The following DMXL2 variants were observed in gnomAD, a reference collection of about 807,000 sequenced individuals.
DMXL2 encodes dmX-like protein 2.
Under a neutral mutation model 331.1 loss-of-function variants are expected in DMXL2, and 103 were observed. The ratio of observed to expected loss-of-function variants is 0.31; its 90% CI spans 0.27 to 0.37. DMXL2 has a LOEUF of 0.37. Among genes scored for constraint, DMXL2 ranks in the 10% least tolerant of loss-of-function variants. DMXL2 has a pLI of 1.00. For synonymous variants in DMXL2, 1,281 were observed against 1,252.1 expected, an observed-to-expected ratio of 1.02 and a Z score of -0.49; for missense variants, 3,171 against 3,642.9, an observed-to-expected ratio of 0.87 and a Z score of 3.33.
chr15:51,495,725 G>A (rs935871905), intron 18 of DMXL2, among the ~76,000 whole-genome samples: 5 of 151,754 alleles, frequency 3.3e-5, no homozygotes, highest in African/African-American at 4.8e-5. Context: ...TATGGCAAGC[G>A]TAACCAAAAC....
chr15:51,522,797 C>T (rs1239381552), intron 13 of DMXL2, among the ~76,000 whole-genome samples: 2 of 152,216 alleles, frequency 1.3e-5, no homozygotes, highest in Non-Finnish European at 2.9e-5. Context: ...AACTATCACA[C>T]TTGGAATCCT....
In DMXL2 at chr15:51,576,183, T is replaced by TAAAACAAAAAAAAAAA. The variant is rs2051018309; in HGVS notation, c.88-3_88-2insTTTTTTTTTTTGTTTT. ...AATATCACAGCCTGATCCATATGCC[T>TAAAACAAAAAAAAAAA]AAAAAAAAAAAAAAAAAAAAGTTTT... is the stretch of plus-strand genomic sequence containing the variant. On this transcript the variant is annotated splice_polypyrimidine_tract_variant and splice_region_variant and intron_variant, in intron 1 of 43. Coordinates refer to ENST00000560891, the MANE Select transcript of DMXL2 (RefSeq NM_001378457.1). The TAAAACAAAAAAAAAAA allele has an allele frequency of 1.8e-6, 1 of 540,658 alleles. No individual in the cohort carries two copies. The highest frequency in any genetic ancestry group is 4.0e-5 in the African/African-American group (1 of 25,282). The allele number at this position is 540,658 out of a possible 1,614,324, so 33.5% of individuals were successfully genotyped here.
chr15:51,491,782 C>G lies in DMXL2; in HGVS notation c.4784-35G>C, dbSNP rs934660695. The stretch of plus-strand genomic sequence containing the variant: ...AAATATAAAATAATAATCTGCGTAA[C>G]TGTATCAAATAAGAAGAAAAACAAT... On this transcript the variant is annotated intron_variant, in intron 19 of 43. Transcript: ENST00000560891. The G allele has an allele frequency of 5.8e-6, 9 of 1,553,528 alleles. No individual in the cohort carries two copies. The Admixed American group carries it at 1.3e-4, about 22-fold the overall frequency.
chr15:51,619,231 C>T (rs1203025363), intron 1 of DMXL2, among the ~76,000 whole-genome samples: 1 of 152,074 alleles, frequency 6.6e-6, no homozygotes, highest in Non-Finnish European at 1.5e-5. Flanking sequence ...AGCTCATACA[C>T]GGGAGAAGAT....
At chr15:51,516,123 G>C (rs2047023927) in intron 14 of DMXL2, among the ~76,000 whole-genome samples, 1 of 152,156 alleles carries the variant, frequency 6.6e-6, no homozygotes, top group Non-Finnish European at 1.5e-5. Flanking sequence ...TTCAACTATA[G>C]TTGGCTCTTT....
chr15:51,492,624 TCTTA>T (rs2042892236), intron 19 of DMXL2, among the ~76,000 whole-genome samples: 2 of 152,320 alleles, frequency 1.3e-5, no homozygotes, highest in South Asian at 4.1e-4. Flanking sequence ...CTGATAACGC[TCTTA>T]CTGATATTCG....
In DMXL2 at chr15:51,480,701, C is replaced by G. The variant is rs1182248949; in HGVS notation, c.6405G>C (p.Gln2135His). The change falls in exon 24 of 44, where the codon CAG becomes CAC. Residue 2135 changes from glutamine to histidine, a missense_variant. By Grantham distance (24) the Gln-to-His change is conservative. Transcript: ENST00000560891. ...ERHQIERRRL[Q>H]AKREHAERRK... ...GTCTTTCTGCATGCTCTCGTTTGGCCTGCAATCTTCTTCTTTCTATTTGAT... is the reference window on the plus strand; with the variant it reads ...GTCTTTCTGCATGCTCTCGTTTGGCGTGCAATCTTCTTCTTTCTATTTGAT... 2 of 1,610,346 alleles carry G rather than the reference C, an allele frequency of 1.2e-6. No homozygotes were observed. Among genetic ancestry groups the G allele is most frequent in the East Asian group, 2.2e-5 (1 of 44,804 alleles).
chr15:51,549,413 G>A (rs2049073950), intron 6 of DMXL2, among the ~76,000 whole-genome samples: 1 of 152,060 alleles, frequency 6.6e-6, no homozygotes, highest in Non-Finnish European at 1.5e-5. Flanking sequence ...AAATTGTGCT[G>A]CTATAAACAT....
intron 1 of DMXL2, among the ~76,000 whole-genome samples, chr15:51,588,976 CAT>C (rs1369827113): frequency 2.6e-5 from 4 of 152,154 alleles, no homozygotes; most frequent in African/African-American, 9.7e-5. Flanking sequence ...CACTATTTTA[CAT>C]AGAGCCGTAG....
intron 24 of DMXL2, 108 bp downstream of exon 24, chr15:51,480,434 T>A (rs2041926758): frequency 3.8e-6 from 5 of 1,305,908 alleles, no homozygotes; most frequent in Non-Finnish European, 5.1e-6. Flanking sequence ...GAGCTGAACA[T>A]ATTTAGATTA....
At position 51,545,755 on chromosome 15, in the gene DMXL2, C is replaced by G; in HGVS notation, c.758G>C (p.Cys253Ser). The G allele has an allele frequency of 6.2e-7, 1 of 1,607,758 alleles. No homozygotes were observed. The highest frequency in any genetic ancestry group is 1.3e-5 in the African/African-American group (1 of 74,886). Residue 253 changes from cysteine (C) to serine (S), a missense_variant, in exon 8 of 44, where the codon TGT (cysteine) becomes TCT (serine). Cys to Ser is a moderately radical substitution (Grantham distance 112). This residue lies in a region of DMXL2 where 1,674 missense variants were observed against 1,780.2 expected (regional missense o/e 0.94). Transcript: ENST00000560891. ...ATGACATGAAGTTAACAACACATTA[C>G]AGACAGAACCCCTAACAACAAAGAG... Reference protein sequence around the residue: ...TSKYMPRGSVCNVLLTSCHDG... With the variant: ...TSKYMPRGSVSNVLLTSCHDG...
Position 51,499,521 on chromosome 15 carries a change from A to C in DMXL2, c.3703T>G (p.Ser1235Ala), listed in dbSNP as rs749191759. ...TCAACAGAAGATACCAAGTCTATAG[A>C]TCTAAGAAGAACCCATCTTGACTTA... ...GVKSRWVLLR[S>A]IDLVSSVDGT... The change falls in exon 18 of 44, where the codon TCT becomes GCT. Residue 1235 changes from serine (S) to alanine (A), a missense_variant. By Grantham distance (99) the Ser-to-Ala change is moderately conservative. This residue lies in a region of DMXL2 where 1,674 missense variants were observed against 1,780.2 expected (regional missense o/e 0.94). Transcript: ENST00000560891. 6.2e-7 allele frequency: 1 copy of C among 1,614,164 alleles called. No individual in the cohort carries two copies. The highest frequency in any genetic ancestry group is 1.1e-5 in the South Asian group (1 of 91,078).
At chr15:51,541,872 G>A (rs1221460357) in intron 9 of DMXL2, among the ~76,000 whole-genome samples, 1 of 152,106 alleles carries the variant, frequency 6.6e-6, no homozygotes, top group Admixed American at 6.6e-5. Context: ...CAGGTTAGAA[G>A]GAAAAGTGTT....
In DMXL2 at chr15:51,576,066, TG is replaced by T; in HGVS notation, c.202del (p.Gln68AsnfsTer21). 1 of 1,606,102 alleles carries T rather than the reference TG, an allele frequency of 6.2e-7. No homozygotes were observed. Among genetic ancestry groups the T allele is most frequent in the Non-Finnish European group, 8.5e-7 (1 of 1,177,426 alleles). The part of the protein sequence containing the change: ...IQVSCVECSN[Q>X]QGRIAASYGN... ...AATTAAATCCCTTACTCTTCCTTGT[TG>T]GTTAGAACACTCCACACAGCTGACT... On this transcript the variant is annotated frameshift_variant, in exon 2 of 44. Coordinates refer to ENST00000560891, the MANE Select transcript of DMXL2 (RefSeq NM_001378457.1). LOFTEE classifies it high-confidence loss of function.
intron 1 of DMXL2, among the ~76,000 whole-genome samples, chr15:51,604,195 C>T (rs1300852832): frequency 6.6e-6 from 1 of 150,380 alleles, no homozygotes; most frequent in Admixed American, 6.6e-5. Context: ...CTTGACAATA[C>T]TCAAGATTCC....
chr15:51,514,585 G>A (rs551392078), intron 14 of DMXL2, 26 bp from the exon 15 acceptor site: 3 of 1,431,464 alleles, frequency 2.1e-6, no homozygotes, highest in South Asian at 2.5e-5. Flanking sequence ...AAAATGAAGA[G>A]GTTTTATCTT....
At chr15:51,457,226 G>GTGTT (rs1566976734) in intron 37 of DMXL2, 102 bp downstream of exon 37, 4 of 1,204,100 alleles carry the variant, frequency 3.3e-6, no homozygotes, top group African/African-American at 3.1e-5. Flanking sequence ...CTATCTACTG[G>GTGTT]TGTTTGTCCC....
chr15:51,615,528 C>G (rs1484273060), intron 1 of DMXL2, among the ~76,000 whole-genome samples: 1 of 152,222 alleles, frequency 6.6e-6, no homozygotes, highest in Non-Finnish European at 1.5e-5. Flanking sequence ...GTTGGCAGTA[C>G]CAATTCCCCA....
chr15:51,513,856 A>G (rs2046891268), intron 15 of DMXL2, among the ~76,000 whole-genome samples: 1 of 152,194 alleles, frequency 6.6e-6, no homozygotes, highest in African/African-American at 2.4e-5. Context: ...ATAAAAGTTT[A>G]ACGTCTGAAG....
Sources: gnomAD v4.1 joint callset for allele counts (sites outside exome capture counted in the v4.1 genomes callset) on GRCh38, gnomAD v4.1.1 for gene constraint, gnomAD v4.1.1 regional missense constraint, MANE v1.5 for transcripts, NCBI Gene and HGNC (gene_info 2026-07-23, HGNC 2026-07-21) for gene names.